MGAT4C: variants seen among roughly 807,000 people sequenced by gnomAD.
MGAT4C encodes the protein MGAT4 family member C, also known as alpha-1,3-mannosyl-glycoprotein 4-beta-N-acetylglucosaminyltransferase C.
A neutral mutation model predicts 40.1 loss-of-function variants in MGAT4C; 19 were observed. The observed-to-expected ratio is 0.47, with a 90% CI of 0.33 to 0.70. The LOEUF (loss-of-function observed/expected upper bound fraction) is 0.70. Among genes scored for constraint, MGAT4C ranks in the 30% least tolerant of loss-of-function variants. The pLI is 0.02. For synonymous variants in MGAT4C, 181 were observed against 187.1 expected, an observed-to-expected ratio of 0.97 and a Z score of 0.27; for missense variants, 491 against 563.2, an observed-to-expected ratio of 0.87 and a Z score of 1.30.
intron 1 of MGAT4C, among the ~76,000 whole-genome samples, chr12:86,735,441 C>A (rs1328760061): frequency 6.6e-6 from 1 of 151,802 alleles, no homozygotes; most frequent in Non-Finnish European, 1.5e-5. Flanking sequence ...GGAAGCCAGG[C>A]AGTTCAAATC....
At chr12:86,755,573 C>T (rs979385225) in intron 1 of MGAT4C, among the ~76,000 whole-genome samples, 2 of 149,944 alleles carry the variant, frequency 1.3e-5, no homozygotes, top group Non-Finnish European at 3.0e-5. Context: ...TTCTTTCTTT[C>T]TTTTTTTTTC....
At chr12:86,537,586 G>A (rs138911959) in intron 2 of MGAT4C, among the ~76,000 whole-genome samples, 75 of 152,218 alleles carry the variant, frequency 4.9e-4, no homozygotes, top group African/African-American at 1.5e-3. Context: ...GTGCGGTCAG[G>A]AGTCATTTCT....
chr12:86,819,032 TG>T (rs1334077024), intron 1 of MGAT4C, among the ~76,000 whole-genome samples: 1 of 150,970 alleles, frequency 6.6e-6, no homozygotes, highest in African/African-American at 2.4e-5. Flanking sequence ...CTGGTGCAAA[TG>T]CAAAATGGTA....
At chr12:86,275,642 G>T (rs893430087) in intron 4 of MGAT4C, among the ~76,000 whole-genome samples, 1 of 152,144 alleles carries the variant, frequency 6.6e-6, no homozygotes, top group Non-Finnish European at 1.5e-5. Context: ...CAGAGTCAGA[G>T]AAGGAGATTT....
intron 2 of MGAT4C, among the ~76,000 whole-genome samples, chr12:86,552,026 C>CAAAAAAAAAAAAAA (rs201076856): frequency 6.6e-5 from 4 of 60,648 alleles, no homozygotes; most frequent in Non-Finnish European, 6.7e-5. Context: ...TTAAAAAAAG[C>CAAAAAAAAAAAAAA]AAAAAAAAAA....
intron 2 of MGAT4C, among the ~76,000 whole-genome samples, chr12:86,480,688 T>G (rs1161666806): frequency 6.6e-6 from 1 of 151,662 alleles, no homozygotes; most frequent in Non-Finnish European, 1.5e-5. Flanking sequence ...ATATACAAAT[T>G]TGATAGTTAC....
At chr12:86,400,609 T>C (rs1956338729) in intron 3 of MGAT4C, among the ~76,000 whole-genome samples, 1 of 152,236 alleles carries the variant, frequency 6.6e-6, no homozygotes, top group South Asian at 2.1e-4. Flanking sequence ...TGAACTGAGC[T>C]TTCATATAAA....
chr12:86,747,195 A>G (rs552607619), intron 1 of MGAT4C, among the ~76,000 whole-genome samples: 27 of 151,700 alleles, frequency 1.8e-4, no homozygotes, highest in East Asian at 1.2e-3. Context: ...TGTATGTAAA[A>G]TCTCTTTAAA....
At chr12:86,558,257 G>A (rs193295807) in intron 2 of MGAT4C, among the ~76,000 whole-genome samples, 69 of 152,130 alleles carry the variant, frequency 4.5e-4, no homozygotes, top group African/African-American at 1.6e-3. Flanking sequence ...TCAGAGCGAG[G>A]AGATAGGCAA....
chr12:86,058,800 T>C (rs1893649435), intron 1 of MGAT4C, among the ~76,000 whole-genome samples: 1 of 152,192 alleles, frequency 6.6e-6, no homozygotes, highest in Non-Finnish European at 1.5e-5. Flanking sequence ...TCTAATTTAT[T>C]ATTTTATTTA....
At chr12:86,013,065 T>C (rs1888671941) in intron 2 of MGAT4C, among the ~76,000 whole-genome samples, 1 of 151,818 alleles carries the variant, frequency 6.6e-6, no homozygotes, top group Non-Finnish European at 1.5e-5. Context: ...AACCCAGGCA[T>C]TCAAGGCTTC....
chr12:86,221,518 G>T (rs994787114), intron 1 of MGAT4C, among the ~76,000 whole-genome samples: 1 of 152,120 alleles, frequency 6.6e-6, no homozygotes, highest in African/African-American at 2.4e-5. Flanking sequence ...CAAAAGAAGG[G>T]AATTGTTAAA....
At chr12:86,681,239 G>A (rs1949975707) in intron 2 of MGAT4C, among the ~76,000 whole-genome samples, 1 of 151,734 alleles carries the variant, frequency 6.6e-6, no homozygotes. Context: ...AACCATGTTA[G>A]GACTAACTAA....
intron 2 of MGAT4C, among the ~76,000 whole-genome samples, chr12:86,551,759 C>G (rs950122748): frequency 3.9e-5 from 6 of 152,276 alleles, no homozygotes; most frequent in Admixed American, 3.9e-4. Context: ...CAACACCAGG[C>G]AAAGCTGCAC....
Position 86,737,412 on chromosome 12 carries a change from GCTGA to G in MGAT4C, c.-261-10175_-261-10172del, listed in dbSNP as rs559454458. 3.3e-5 allele frequency among the ~76,000 whole-genome samples: 4 copies of G among 119,642 alleles called. No individual in the cohort carries two copies. The South Asian group carries it at 1.0e-3, about 30-fold the overall frequency. The allele number at this position is 119,642 out of a possible 152,430, so 78.5% of individuals were successfully genotyped here. On this transcript the variant is annotated intron_variant, in intron 1 of 7. Transcript: ENST00000548651. ...ACGGGCCTGGTTTTCCTTCTATTTT[GCTGA>G]CTACTTTTCCTCAGTCTACTTTTTT...
intron 2 of MGAT4C, among the ~76,000 whole-genome samples, chr12:86,621,781 A>G (rs192525025): frequency 0.031 from 4,722 of 152,278 alleles, 122 homozygotes; most frequent in African/African-American, 0.074. Flanking sequence ...CCCAGCTGCA[A>G]CTAAGTTGAC....
At chr12:86,486,112 A>G (rs1261658583) in intron 2 of MGAT4C, among the ~76,000 whole-genome samples, 3 of 152,170 alleles carry the variant, frequency 2.0e-5, no homozygotes, top group Non-Finnish European at 4.4e-5. Flanking sequence ...CCACAAAAAC[A>G]CAAATAAGCA....
chr12:86,584,070 C>T (rs1457405189), intron 2 of MGAT4C, among the ~76,000 whole-genome samples: 1 of 150,556 alleles, frequency 6.6e-6, no homozygotes, highest in Non-Finnish European at 1.5e-5. Context: ...ATATAAAAGT[C>T]AAATATTTTA....
chr12:86,529,631 C>A (rs1041443839), intron 2 of MGAT4C, among the ~76,000 whole-genome samples: 1 of 152,016 alleles, frequency 6.6e-6, no homozygotes, highest in Non-Finnish European at 1.5e-5. Flanking sequence ...AATCATTCCA[C>A]CAACTTGCCT....
Sources: gnomAD v4.1 joint callset for allele counts (sites outside exome capture counted in the v4.1 genomes callset) on GRCh38, gnomAD v4.1.1 for gene constraint, MANE v1.5 for transcripts, NCBI Gene and HGNC (gene_info 2026-07-23, HGNC 2026-07-21) for gene names.